Variants in TTC7A observed in about 807,000 individuals in gnomAD.
TTC7A encodes the protein tetratricopeptide repeat protein 7A.
Under a neutral mutation model 103.7 loss-of-function variants are expected in TTC7A, and 110 were observed. The observed-to-expected ratio is 1.06, with a 90% CI of 0.91 to 1.24. TTC7A has a LOEUF of 1.24. Ranked by LOEUF, TTC7A falls within the 50% of genes most tolerant of loss-of-function variation. The pLI is 0.00. For synonymous variants in TTC7A, 521 were observed against 467.9 expected (o/e 1.11, Z -1.47); for missense variants, 1,340 against 1,116.3 (o/e 1.20, Z -2.86).
rs1229503344 is a variant in TTC7A, at chr2:46,975,048, C to A, written c.593C>A (p.Thr198Asn). The change falls in exon 4 of 20, where the codon ACC becomes AAC. Residue 198 changes from threonine (T) to asparagine (N), a missense_variant. Thr to Asn is a moderately conservative substitution (Grantham distance 65). Transcript: ENST00000319190. ...ACAGAGAGGGAGGAGGAAGTGATCA[C>A]CTGTTTTGAGAGGGCCTCCTGGATC... Reference protein sequence around the residue: ...RLTEREEEVITCFERASWIAQ... With the variant: ...RLTEREEEVINCFERASWIAQ... 4 of 1,613,904 alleles carry A rather than the reference C, an allele frequency of 2.5e-6. No individual in the cohort carries two copies. In the African/African-American group the frequency reaches 4.0e-5, roughly 16 times the overall value.
chr2:47,071,916 C>T (rs1053447734), intron 19 of TTC7A, among the ~76,000 whole-genome samples: 3 of 152,258 alleles, frequency 2.0e-5, no homozygotes, highest in African/African-American at 7.2e-5. Context: ...CGGCCCTGGC[C>T]CTCTCTGGGA....
chr2:47,065,337 C>T (rs1684098011), intron 19 of TTC7A, among the ~76,000 whole-genome samples: 1 of 152,204 alleles, frequency 6.6e-6, no homozygotes, highest in African/African-American at 2.4e-5. Context: ...ATAGCATTTT[C>T]AACCAAGAGC....
rs528695476 is a variant in TTC7A at position 47,020,066 on chromosome 2, C to T, written c.1393-1796C>T. On this transcript the variant is annotated intron_variant, in intron 11 of 19. Transcript: ENST00000319190. ...GGGCCTTAACTAGGGGCCACCTGGT[C>T]CTGCCAGGTGTGTGCCTCCTGTGTC... 2.6e-5 allele frequency among the ~76,000 whole-genome samples: 4 copies of T among 152,320 alleles called. No individual in the cohort carries two copies. The East Asian group carries it at 5.8e-4, about 22-fold the overall frequency.
chr2:47,053,539 TTTGTTTGGTTGGTTGGTTGGTTGGTTGG>T (rs1683057823), intron 18 of TTC7A, among the ~76,000 whole-genome samples: 1 of 66,070 alleles, frequency 1.5e-5, no homozygotes, highest in African/African-American at 5.2e-5. Flanking sequence ...TTTTTGTTTG[TTTGTTTGGTTGGTTGGTTGGTTGGTTGG>T]TTGGTTGGTT....
chr2:46,990,781 C>T (rs939455693), intron 5 of TTC7A, among the ~76,000 whole-genome samples: 1 of 152,156 alleles, frequency 6.6e-6, no homozygotes, highest in African/African-American at 2.4e-5. Flanking sequence ...TTCTGAAGCC[C>T]GACTTCTTGA....
At chr2:46,916,163 T>C in exon 1 of TTC7A, 1 of 985,486 alleles carries the variant, frequency 1.0e-6, no homozygotes, top group African/African-American at 1.7e-5. Context: ...CCCCCTCCTA[T>C]ACAGGGCTCT....
At chr2:47,059,305 G>GT (rs1279370092) in intron 18 of TTC7A, among the ~76,000 whole-genome samples, 1 of 152,058 alleles carries the variant, frequency 6.6e-6, no homozygotes, top group African/African-American at 2.4e-5. Context: ...ACAGGCGTGA[G>GT]CCTGTAGCCC....
intron 2 of TTC7A, among the ~76,000 whole-genome samples, chr2:46,955,519 G>A (rs919940904): frequency 6.6e-6 from 1 of 152,228 alleles, no homozygotes; most frequent in South Asian, 2.1e-4. Flanking sequence ...GCTTTCAGGA[G>A]AAGGTGGGCC....
At chr2:47,014,498 C>T (rs1678426038) in intron 11 of TTC7A, among the ~76,000 whole-genome samples, 2 of 152,184 alleles carry the variant, frequency 1.3e-5, no homozygotes, top group Non-Finnish European at 1.5e-5. Flanking sequence ...TGGCCCCATC[C>T]TTCTGCTGGG....
Position 46,941,762 on chromosome 2 carries a change from C to T in TTC7A, c.184+37C>T. 6.5e-7 allele frequency: 1 copy of T among 1,546,358 alleles called. No individual in the cohort carries two copies. Among genetic ancestry groups the T allele is most frequent in the Non-Finnish European group, 8.7e-7 (1 of 1,145,296 alleles). On this transcript the variant is annotated intron_variant, in intron 1 of 19. Transcript: ENST00000319190. The surrounding 1 kb of genome is among the most constrained non-coding windows in gnomAD (Gnocchi z 4.2). ...AAGAGGCTGGCTCGCCGGCAGCGAG[C>T]GCGCGAAACGCACCGCCTCCTCCAG...
intron 15 of TTC7A, among the ~76,000 whole-genome samples, chr2:47,040,880 G>A (rs565426471): frequency 2.0e-5 from 3 of 152,250 alleles, no homozygotes; most frequent in African/African-American, 7.2e-5. Flanking sequence ...TCCTGGGCCA[G>A]TGTGTATTCA....
intron 3 of TTC7A, among the ~76,000 whole-genome samples, chr2:46,966,258 T>C (rs891375778): frequency 6.6e-6 from 1 of 152,182 alleles, no homozygotes; most frequent in Admixed American, 6.5e-5. Context: ...CTGCATACTT[T>C]CTACTCTTTA....
Position 47,073,940 on chromosome 2 carries a change from G to GGGAGGGAGGGGCTGGCC in TTC7A, c.*18_*34dup. The GGGAGGGAGGGGCTGGCC allele has an allele frequency of 6.3e-7, 1 of 1,598,684 alleles. No homozygotes were observed. The highest frequency in any genetic ancestry group is 8.5e-7 in the Non-Finnish European group (1 of 1,171,336). The stretch of plus-strand genomic sequence containing the variant: ...GAGCTCTGACGACGCTGCAGCCGCA[G>GGGAGGGAGGGGCTGGCC]GGAGGGAGGGGCTGGCCAGAGGGAG... On this transcript the variant is annotated 3_prime_UTR_variant, in exon 20 of 20. Transcript: ENST00000319190.
chr2:47,027,879 G>A (rs1680086932), intron 14 of TTC7A, among the ~76,000 whole-genome samples: 1 of 151,992 alleles, frequency 6.6e-6, no homozygotes, highest in Non-Finnish European at 1.5e-5. Context: ...AGCCTCTTTT[G>A]AAGAAGAGAG....
At chr2:46,959,778 T>G (rs79862717) in intron 3 of TTC7A, among the ~76,000 whole-genome samples, 6,758 of 152,210 alleles carry the variant, frequency 0.044, 221 homozygotes, top group South Asian at 0.088. Flanking sequence ...GCTTTAGACA[T>G]CAACCCGGGA....
At chr2:47,006,868 G>A (rs1162664294) in intron 10 of TTC7A, 144 bp downstream of exon 10, 5 of 684,244 alleles carry the variant, frequency 7.3e-6, no homozygotes, top group South Asian at 3.3e-5. Flanking sequence ...GGGGCGTGGG[G>A]TGGGCCACAC....
chr2:47,020,040 G>A (rs1217282790), intron 11 of TTC7A, among the ~76,000 whole-genome samples: 3 of 152,196 alleles, frequency 2.0e-5, no homozygotes, highest in Admixed American at 1.3e-4. Context: ...ACCACACAGT[G>A]GGGCCTTAAC....
chr2:47,037,882 CCT>C (rs936288465), intron 15 of TTC7A, among the ~76,000 whole-genome samples: 1 of 152,150 alleles, frequency 6.6e-6, no homozygotes, highest in Non-Finnish European at 1.5e-5. Flanking sequence ...CCCTGCTGGG[CCT>C]TTTATGTGCA....
At position 47,006,004 on chromosome 2, in the gene TTC7A, A is replaced by G. The variant is rs541556135; in HGVS notation, c.1148A>G (p.Tyr383Cys). The G allele has an allele frequency of 3.1e-5, 50 of 1,613,920 alleles. No individual in the cohort carries two copies. The highest frequency in any genetic ancestry group is 1.6e-4 in the Middle Eastern group (1 of 6,062). Reference sequence around the variant, plus strand: ...AGCTTGCAGAATGCCGCAGCCATCTATGACCTCCTGAGCATCACGTTGGGC... The same window carrying G: ...AGCTTGCAGAATGCCGCAGCCATCTGTGACCTCCTGAGCATCACGTTGGGC... The part of the protein sequence containing the change: ...TVSLQNAAAI[Y>C]DLLSITLGRR... The change falls in exon 9 of 20, where the codon TAT becomes TGT. Residue 383 changes from tyrosine to cysteine, a missense_variant. Coordinates refer to ENST00000319190, the MANE Select transcript of TTC7A (RefSeq NM_020458.4).
Sources: gnomAD v4.1 joint callset for allele counts (sites outside exome capture counted in the v4.1 genomes callset) on GRCh38, gnomAD v4.1.1 for gene constraint, Gnocchi (gnomAD v3.1) non-coding constraint, MANE v1.5 for transcripts, NCBI Gene and HGNC (gene_info 2026-07-23, HGNC 2026-07-21) for gene names.